Variants in RASA2 observed in about 807,000 individuals in gnomAD.
RASA2 encodes ras GTPase-activating protein 2.
Under a neutral mutation model 118.2 loss-of-function variants are expected in RASA2, and 155 were observed. That is an observed-to-expected ratio of 1.31 (90% CI 1.15 to 1.50). The LOEUF (loss-of-function observed/expected upper bound fraction) is 1.50, where lower values mean the gene tolerates loss of function less well. Among genes scored for constraint, RASA2 ranks in the 40% most tolerant of loss-of-function variants. The probability of loss-of-function intolerance (pLI) is 0.00; values close to 1 mark genes in which losing one functional copy is unlikely to be tolerated. For missense variants in RASA2, 1,016 were observed against 1,009.6 expected, an observed-to-expected ratio of 1.01 and a Z score of -0.09; for synonymous variants, 353 against 349.1, an observed-to-expected ratio of 1.01 and a Z score of -0.12.
Position 141,553,958 on chromosome 3 carries a change from ATTATTAGGTT to A in RASA2, c.611+22_611+31del. Reference sequence around the variant, plus strand: ...CCTTCTAGGTAATATTTATTGAATTATTATTAGGTTTTAAAGTTTTGATGTTTGATTTAAA... The same window carrying A: ...CCTTCTAGGTAATATTTATTGAATTATTAAAGTTTTGATGTTTGATTTAAA... On this transcript the variant is annotated intron_variant, in intron 6 of 23. Coordinates refer to ENST00000286364, the MANE Select transcript of RASA2 (RefSeq NM_006506.5). 6.3e-7 allele frequency: 1 copy of A among 1,589,444 alleles called. No homozygotes were observed. The highest frequency in any genetic ancestry group is 1.2e-5 in the South Asian group (1 of 85,394).
Position 141,614,494 on chromosome 3 carries a change from T to G in RASA2, c.*2181T>G, listed in dbSNP as rs546480474. On this transcript the variant is annotated 3_prime_UTR_variant, in exon 24 of 24. Coordinates refer to ENST00000286364, the MANE Select transcript of RASA2 (RefSeq NM_006506.5). The stretch of plus-strand genomic sequence containing the variant: ...TGCTGTTACTTACAAATGTTTTAAT[T>G]TTTACTACCTGATATTCTTTCTCTA... 5.3e-5 allele frequency: 8 copies of G among 152,216 alleles called. No individual in the cohort carries two copies. The highest frequency in any genetic ancestry group is 7.3e-5 in the Non-Finnish European group (5 of 68,032). 9.4% of individuals were successfully genotyped at this position (152,216 alleles called of 1,614,324 possible). A position where few individuals can be genotyped will look rare whatever the true frequency, so the allele number is the denominator to read the frequency against.
intron 19 of RASA2, among the ~76,000 whole-genome samples, chr3:141,592,424 A>G (rs1168990944): frequency 6.6e-6 from 1 of 152,244 alleles, no homozygotes; most frequent in African/African-American, 2.4e-5. Context: ...CAAAAAGATC[A>G]TAGAAGTGCT....
Position 141,490,804 on chromosome 3 carries a change from G to C in RASA2, c.133+3588G>C, listed in dbSNP as rs77856405. Among the ~76,000 whole-genome samples, 1,308 of 152,282 alleles carry C rather than the reference G, an allele frequency of 8.6e-3. 21 individuals carry two copies. The highest frequency in any genetic ancestry group is 0.029 in the African/African-American group (1,212 of 41,546). ...CACCTAATTTCCAACTTTTGTTAAT[G>C]TCTTTGGGCCTTCATATTCTCATAT... On this transcript the variant is annotated intron_variant, in intron 1 of 23. Transcript: ENST00000286364.
At chr3:141,544,221 G>A (rs953604842) in intron 5 of RASA2, among the ~76,000 whole-genome samples, 10 of 152,010 alleles carry the variant, frequency 6.6e-5, no homozygotes, top group African/African-American at 2.4e-4. Context: ...GATGTATCCT[G>A]GAATAGATTT....
intron 1 of RASA2, among the ~76,000 whole-genome samples, chr3:141,487,791 C>G (rs2151063663): frequency 6.6e-6 from 1 of 152,228 alleles, no homozygotes; most frequent in Non-Finnish European, 1.5e-5. Flanking sequence ...ACGGGCCGCC[C>G]TGGGGCCCGA....
intron 1 of RASA2, among the ~76,000 whole-genome samples, chr3:141,491,512 G>T (rs1054081016): frequency 5.3e-5 from 8 of 152,150 alleles, no homozygotes; most frequent in African/African-American, 9.7e-5. Context: ...GCCTAGAACA[G>T]AATAGGCCTT....
intron 15 of RASA2, among the ~76,000 whole-genome samples, chr3:141,577,632 T>G (rs1393805964): frequency 2.0e-5 from 3 of 152,122 alleles, no homozygotes. Context: ...TGAAAGCATA[T>G]AATTAGAAAA....
At chr3:141,594,052 G>C (rs1395394409) in intron 19 of RASA2, among the ~76,000 whole-genome samples, 1 of 152,210 alleles carries the variant, frequency 6.6e-6, no homozygotes. Context: ...CAAGGACTTA[G>C]TGGAAAAGTA....
At chr3:141,563,258 C>G (rs550223330) in intron 9 of RASA2, among the ~76,000 whole-genome samples, 6 of 152,074 alleles carry the variant, frequency 3.9e-5, no homozygotes, top group Non-Finnish European at 8.8e-5. Context: ...TTCTTTCAAA[C>G]GGAAATATTT....
At position 141,516,042 on chromosome 3, in the gene RASA2, G is replaced by A. The variant is rs371405017; in HGVS notation, c.252-286G>A. ...CAGGAAGGGGAGCATCACACACTGG[G>A]GCCTGTTGTGGGGTGGGGGGAGGGG... On this transcript the variant is annotated intron_variant, in intron 2 of 23. Coordinates refer to ENST00000286364, the MANE Select transcript of RASA2 (RefSeq NM_006506.5). 3.0e-5 allele frequency among the ~76,000 whole-genome samples: 4 copies of A among 135,244 alleles called. No homozygotes were observed. The East Asian group carries it at 8.7e-4, about 29-fold the overall frequency. The allele number at this position is 135,244 out of a possible 152,430, so 88.7% of individuals were successfully genotyped here.
At chr3:141,534,337 C>G (rs1461903947) in intron 4 of RASA2, among the ~76,000 whole-genome samples, 1 of 152,124 alleles carries the variant, frequency 6.6e-6, no homozygotes, top group Non-Finnish European at 1.5e-5. Context: ...AAGTTTGAGA[C>G]CAGCTTGGGC....
At chr3:141,501,448 A>C (rs1195795119) in intron 1 of RASA2, among the ~76,000 whole-genome samples, 1 of 152,234 alleles carries the variant, frequency 6.6e-6, no homozygotes, top group Non-Finnish European at 1.5e-5. Flanking sequence ...ACTCTGTCTT[A>C]GGCATTGTGC....
chr3:141,537,523 C>T (rs1019391017), intron 4 of RASA2, among the ~76,000 whole-genome samples: 6 of 152,134 alleles, frequency 3.9e-5, no homozygotes, highest in African/African-American at 1.4e-4. Context: ...AATCCCAGCA[C>T]TTTGGGAGGC....
intron 1 of RASA2, among the ~76,000 whole-genome samples, chr3:141,497,253 A>G (rs2081716227): frequency 6.6e-6 from 1 of 151,496 alleles, no homozygotes. Flanking sequence ...GCACACCAAT[A>G]TGGCACATGT....
rs916950899 is a variant in RASA2 at position 141,571,685 on chromosome 3, C to T, written c.1169+131C>T. 6 of 840,396 alleles carry T rather than the reference C, an allele frequency of 7.1e-6. No individual in the cohort carries two copies. In the African/African-American group the frequency reaches 1.1e-4, roughly 15 times the overall value. The allele number at this position is 840,396 out of a possible 1,614,324, so 52.1% of individuals were successfully genotyped here. A position where few individuals can be genotyped will look rare whatever the true frequency, so the allele number is the denominator to read the frequency against. Reference sequence around the variant, plus strand: ...CTGTATAGTAGGCTGAAAAGAAGTACTTAACAAATAACAAAAGGCAGTTAA... The same window carrying T: ...CTGTATAGTAGGCTGAAAAGAAGTATTTAACAAATAACAAAAGGCAGTTAA... On this transcript the variant is annotated intron_variant, in intron 11 of 23. Coordinates refer to ENST00000286364, the MANE Select transcript of RASA2 (RefSeq NM_006506.5).
Position 141,609,448 on chromosome 3 carries a change from A to G in RASA2, c.2254A>G (p.Ile752Val). The change falls in exon 22 of 24, where the codon ATT becomes GTT. Residue 752 changes from isoleucine (I) to valine (V), a missense_variant. By Grantham distance (29) the Ile-to-Val change is conservative. Coordinates refer to ENST00000286364, the MANE Select transcript of RASA2 (RefSeq NM_006506.5). ...AGVPADIQID[I>V]DEDRETERIY... ...TGTCCCTGCAGACATCCAAATAGATATTGATGAAGACAGAGAAACAGAAAG... is the reference window on the plus strand; with the variant it reads ...TGTCCCTGCAGACATCCAAATAGATGTTGATGAAGACAGAGAAACAGAAAG... The G allele has an allele frequency of 1.2e-6, 2 of 1,601,162 alleles. No homozygotes were observed. Among genetic ancestry groups the G allele is most frequent in the South Asian group, 1.1e-5 (1 of 89,644 alleles).
At chr3:141,576,597 G>A (rs112106247) in intron 14 of RASA2, among the ~76,000 whole-genome samples, 183 of 152,274 alleles carry the variant, frequency 1.2e-3, no homozygotes, top group African/African-American at 4.2e-3. Context: ...TTTTGGGGGG[G>A]ATATTGAAAC....
At position 141,613,758 on chromosome 3, in the gene RASA2, G is replaced by A. The variant is rs1368071473; in HGVS notation, c.*1445G>A. On this transcript the variant is annotated 3_prime_UTR_variant, in exon 24 of 24. Coordinates refer to ENST00000286364, the MANE Select transcript of RASA2 (RefSeq NM_006506.5). ...CATTTTTAAATTATATTGTTATTAGGTAATTATTTTTAAAGACTACTGGCA... is the reference window on the plus strand; with the variant it reads ...CATTTTTAAATTATATTGTTATTAGATAATTATTTTTAAAGACTACTGGCA... The A allele has an allele frequency of 2.0e-5, 3 of 152,016 alleles. No individual in the cohort carries two copies. The highest frequency in any genetic ancestry group is 4.4e-5 in the Non-Finnish European group (3 of 68,004). The allele number at this position is 152,016 out of a possible 1,614,324, so 9.4% of individuals were successfully genotyped here.
intron 9 of RASA2, among the ~76,000 whole-genome samples, chr3:141,561,395 G>C (rs1473972231): frequency 6.6e-6 from 1 of 152,186 alleles, no homozygotes; most frequent in Non-Finnish European, 1.5e-5. Flanking sequence ...TTCCTTGGCA[G>C]TATGTAAGAA....
Sources: allele counts gnomAD v4.1 joint callset (sites outside exome capture counted in the v4.1 genomes callset), GRCh38; gene constraint gnomAD v4.1.1; transcripts MANE v1.5; gene names NCBI Gene and HGNC (gene_info 2026-07-23, HGNC 2026-07-21).